The following CTNNBL1 variants were observed in gnomAD, a reference collection of about 807,000 sequenced individuals.
The protein encoded by CTNNBL1 is beta-catenin-like protein 1.
CTNNBL1 carries 31 observed loss-of-function variants against 72.7 expected under a neutral mutation model. The ratio of observed to expected loss-of-function variants is 0.43; its 90% CI spans 0.32 to 0.58. The LOEUF is 0.58. Ranked by LOEUF, CTNNBL1 falls within the 20% of genes least tolerant of loss-of-function variation. CTNNBL1 has a pLI of 0.08. For missense variants in CTNNBL1, 534 were observed against 725.1 expected, an observed-to-expected ratio of 0.74 and a Z score of 3.03; for synonymous variants, 240 against 267.3, an observed-to-expected ratio of 0.90 and a Z score of 1.00.
At chr20:37,779,953 G>A (rs947832217) in intron 10 of CTNNBL1, among the ~76,000 whole-genome samples, 2 of 152,030 alleles carry the variant, frequency 1.3e-5, no homozygotes, top group Non-Finnish European at 2.9e-5. Context: ...AAGCAAAAAG[G>A]GGAGAGGAAG....
At chr20:37,727,382 G>C in intron 1 of CTNNBL1, 1 of 983,072 alleles carries the variant, frequency 1.0e-6, no homozygotes, top group Non-Finnish European at 1.2e-6. Context: ...CTATTATCGT[G>C]AAGCCTACTC....
intron 10 of CTNNBL1, among the ~76,000 whole-genome samples, chr20:37,783,179 G>A (rs964266553): frequency 6.6e-6 from 1 of 152,128 alleles, no homozygotes. Flanking sequence ...CCAAAGTGCT[G>A]GAATTACATG....
chr20:37,840,814 G>A (rs970168921), intron 12 of CTNNBL1, among the ~76,000 whole-genome samples: 1 of 151,912 alleles, frequency 6.6e-6, no homozygotes, highest in African/African-American at 2.4e-5. Context: ...TAGATGGATC[G>A]GGCTATGGAA....
chr20:37,832,039 G>C (rs898771980), intron 11 of CTNNBL1, among the ~76,000 whole-genome samples: 4 of 152,170 alleles, frequency 2.6e-5, no homozygotes, highest in South Asian at 2.1e-4. Context: ...ACCCACCTTA[G>C]CACTGTCTGC....
chr20:37,832,854 G>A (rs2072222796), intron 11 of CTNNBL1, among the ~76,000 whole-genome samples: 1 of 151,854 alleles, frequency 6.6e-6, no homozygotes, highest in Admixed American at 6.6e-5. Flanking sequence ...CACAAAAATG[G>A]TGCACACTAT....
chr20:37,788,122 C>T (rs928937559), intron 10 of CTNNBL1, among the ~76,000 whole-genome samples: 3 of 152,148 alleles, frequency 2.0e-5, no homozygotes, highest in African/African-American at 7.2e-5. Context: ...TCTCTTCCCC[C>T]ACGTCTGTCC....
intron 7 of CTNNBL1, among the ~76,000 whole-genome samples, chr20:37,772,343 CTGT>C (rs930842919): frequency 3.9e-5 from 6 of 152,116 alleles, no homozygotes; most frequent in Admixed American, 2.0e-4. Context: ...GTGTTTGTTG[CTGT>C]TGTTGTTGTT....
chr20:37,723,505 GAT>G (rs2122581851), intron 1 of CTNNBL1, among the ~76,000 whole-genome samples: 1 of 152,192 alleles, frequency 6.6e-6, no homozygotes, highest in South Asian at 2.1e-4. Context: ...AGGAGCGCTT[GAT>G]ATCTTTTTTT....
intron 3 of CTNNBL1, among the ~76,000 whole-genome samples, chr20:37,738,722 T>C (rs2073190125): frequency 6.6e-6 from 1 of 152,006 alleles, no homozygotes; most frequent in South Asian, 2.1e-4. Flanking sequence ...AAATACCAAG[T>C]TGGGGGCTAT....
chr20:37,858,349 A>C (rs146162976), intron 13 of CTNNBL1, among the ~76,000 whole-genome samples: 76 of 152,364 alleles, frequency 5.0e-4, no homozygotes, highest in Admixed American at 1.7e-3. Context: ...GTGGGGACTG[A>C]AGTCAGTATG....
intron 11 of CTNNBL1, among the ~76,000 whole-genome samples, chr20:37,838,270 A>C (rs1209941145): frequency 6.6e-6 from 1 of 152,112 alleles, no homozygotes; most frequent in African/African-American, 2.4e-5. Flanking sequence ...TGCTCTATGG[A>C]GATTAGGCCA....
At chr20:37,733,181 G>T in intron 2 of CTNNBL1, 114 bp downstream of exon 2, 1 of 890,448 alleles carries the variant, frequency 1.1e-6, no homozygotes, top group South Asian at 1.7e-5. Context: ...ATGGGGTTAA[G>T]AATTCATATT....
At chr20:37,812,484 G>A (rs1046000265) in intron 11 of CTNNBL1, among the ~76,000 whole-genome samples, 2 of 152,156 alleles carry the variant, frequency 1.3e-5, no homozygotes, top group African/African-American at 4.8e-5. Flanking sequence ...CCTCAGTTAC[G>A]ATCCTGGTTA....
At chr20:37,725,932 C>T (rs6020485) in intron 1 of CTNNBL1, among the ~76,000 whole-genome samples, 6 of 151,840 alleles carry the variant, frequency 4.0e-5, no homozygotes, top group Admixed American at 6.6e-5. Flanking sequence ...TGCAGTGAGC[C>T]GAGATCGCAC....
intron 15 of CTNNBL1, among the ~76,000 whole-genome samples, chr20:37,860,994 A>G (rs778679823): frequency 5.6e-4 from 85 of 152,230 alleles, no homozygotes; most frequent in Non-Finnish European, 1.1e-3. Flanking sequence ...TCAGGCATCC[A>G]TCGGGGGTCT....
At chr20:37,711,412 A>G (rs771884238) in intron 1 of CTNNBL1, among the ~76,000 whole-genome samples, 1 of 151,690 alleles carries the variant, frequency 6.6e-6, no homozygotes, top group African/African-American at 2.4e-5. Flanking sequence ...GTCATTCTTT[A>G]ATCATTCCAT....
At chr20:37,870,158 C>A (rs2072570916) in intron 15 of CTNNBL1, among the ~76,000 whole-genome samples, 1 of 152,100 alleles carries the variant, frequency 6.6e-6, no homozygotes, top group African/African-American at 2.4e-5. Context: ...CTGATGGCAT[C>A]CTCTGCTGAT....
intron 7 of CTNNBL1, among the ~76,000 whole-genome samples, chr20:37,776,394 C>T (rs901260938): frequency 1.3e-5 from 2 of 152,148 alleles, no homozygotes; most frequent in East Asian, 3.8e-4. Context: ...GGTAAGGTGA[C>T]GGAAGTGTTA....
At chr20:37,850,479 G>A (rs1487771344) in intron 13 of CTNNBL1, among the ~76,000 whole-genome samples, 1 of 119,000 alleles carries the variant, frequency 8.4e-6, no homozygotes, top group Admixed American at 8.8e-5. Flanking sequence ...ATGCGTATGT[G>A]CTGAGACAGA....
Sources: allele counts gnomAD v4.1 joint callset (sites outside exome capture counted in the v4.1 genomes callset), GRCh38; gene constraint gnomAD v4.1.1; transcripts MANE v1.5; gene names NCBI Gene and HGNC (gene_info 2026-07-23, HGNC 2026-07-21).